Variants in CDH18 observed in about 807,000 individuals in gnomAD.
CDH18 encodes the protein cadherin 18.
CDH18 carries 31 observed loss-of-function variants against 67.9 expected under a neutral mutation model. The ratio of observed to expected loss-of-function variants is 0.46; its 90% CI spans 0.34 to 0.62. The LOEUF is 0.62. Ranked by LOEUF, CDH18 falls within the 20% of genes least tolerant of loss-of-function variation. The pLI is 0.01. For missense variants in CDH18, 890 were observed against 975.5 expected (o/e 0.91, Z 1.17); for synonymous variants, 362 against 347.2 (o/e 1.04, Z -0.48).
intron 2 of CDH18, among the ~76,000 whole-genome samples, chr5:20,213,246 G>A (rs556630302): frequency 1.3e-4 from 20 of 152,122 alleles, no homozygotes; most frequent in Non-Finnish European, 2.5e-4. Flanking sequence ...GTAGGTTGGT[G>A]GAATTGTAGT....
rs764381666 is a variant in CDH18 at position 19,747,254 on chromosome 5, A to G, written c.229-18T>C. 2 of 1,594,804 alleles carry G rather than the reference A, an allele frequency of 1.3e-6. No homozygotes were observed. The highest frequency in any genetic ancestry group is 1.1e-5 in the South Asian group (1 of 89,982). On this transcript the variant is annotated intron_variant, in intron 3 of 12. Coordinates refer to ENST00000382275, the MANE Select transcript of CDH18 (RefSeq NM_004934.5). ...GAGTGCAGCTGTGAAATACACATGG[A>G]ATAATTTAGCATATATTTATATTCC...
At chr5:20,218,718 C>G (rs1306540847) in intron 2 of CDH18, among the ~76,000 whole-genome samples, 1 of 151,854 alleles carries the variant, frequency 6.6e-6, no homozygotes, top group South Asian at 2.1e-4. Flanking sequence ...TTGTATCTTC[C>G]TCATTTTGCT....
At chr5:19,711,456 A>T (rs1488677771) in intron 5 of CDH18, among the ~76,000 whole-genome samples, 2 of 151,970 alleles carry the variant, frequency 1.3e-5, no homozygotes, top group Non-Finnish European at 2.9e-5. Context: ...TGGGCAAAAG[A>T]CATAACAGAC....
At chr5:20,526,665 C>T (rs1282964996) in intron 1 of CDH18, among the ~76,000 whole-genome samples, 1 of 152,030 alleles carries the variant, frequency 6.6e-6, no homozygotes, top group Non-Finnish European at 1.5e-5. Flanking sequence ...AGAAAAGAGG[C>T]CTGACTGTTA....
Position 20,482,872 on chromosome 5 carries a change from G to A in CDH18, c.-580+92590C>T, listed in dbSNP as rs558862659. On this transcript the variant is annotated intron_variant, in intron 1 of 14. Transcript: ENST00000507958. ...CCTGCATGATCTCAAAACTTGACAA[G>A]GATGCCCATTTTCACCACTGTTATT... 2.6e-5 allele frequency among the ~76,000 whole-genome samples: 4 copies of A among 152,120 alleles called. No homozygotes were observed. The East Asian group carries it at 7.8e-4, about 29-fold the overall frequency.
chr5:19,892,159 A>G (rs1057494736), intron 2 of CDH18, among the ~76,000 whole-genome samples: 3 of 152,180 alleles, frequency 2.0e-5, no homozygotes, highest in African/African-American at 7.2e-5. Flanking sequence ...GTTTAACTCT[A>G]TTGCAAATAA....
intron 2 of CDH18, among the ~76,000 whole-genome samples, chr5:19,955,018 A>T (rs1796131025): frequency 6.6e-6 from 1 of 152,104 alleles, no homozygotes; most frequent in African/African-American, 2.4e-5. Context: ...TAATTGAAAC[A>T]TGGAGGTGGT....
At chr5:19,900,294 C>T (rs1039825596) in intron 2 of CDH18, among the ~76,000 whole-genome samples, 50 of 152,006 alleles carry the variant, frequency 3.3e-4, no homozygotes, top group African/African-American at 1.1e-3. Flanking sequence ...TACAAAATTA[C>T]AGTCAGAAAT....
At chr5:19,979,903 C>G (rs561156706) in intron 2 of CDH18, among the ~76,000 whole-genome samples, 3 of 152,220 alleles carry the variant, frequency 2.0e-5, no homozygotes, top group East Asian at 3.9e-4. Context: ...TGCAACAAGA[C>G]AAGGATGCCC....
intron 8 of CDH18, among the ~76,000 whole-genome samples, chr5:19,561,579 C>A (rs1739460759): frequency 6.6e-6 from 1 of 151,862 alleles, no homozygotes; most frequent in Non-Finnish European, 1.5e-5. Context: ...GATGGGTGCA[C>A]CAAAATATTA....
At chr5:20,411,800 A>AG (rs1431493886) in intron 1 of CDH18, among the ~76,000 whole-genome samples, 3 of 151,764 alleles carry the variant, frequency 2.0e-5, no homozygotes, top group Non-Finnish European at 1.5e-5. Context: ...TGCCCACAAA[A>AG]AAATACCTAG....
chr5:19,572,780 A>C (rs1365127137), intron 7 of CDH18, among the ~76,000 whole-genome samples: 1 of 152,174 alleles, frequency 6.6e-6, no homozygotes. Flanking sequence ...ATTAGATTTC[A>C]ACATATGAAT....
intron 1 of CDH18, among the ~76,000 whole-genome samples, chr5:20,430,141 A>G (rs1200466088): frequency 6.6e-6 from 1 of 152,180 alleles, no homozygotes; most frequent in Non-Finnish European, 1.5e-5. Flanking sequence ...TACATTCACT[A>G]CATTGGTTTT....
chr5:19,641,189 T>G (rs1269042847), intron 5 of CDH18, among the ~76,000 whole-genome samples: 1 of 147,796 alleles, frequency 6.8e-6, no homozygotes, highest in Non-Finnish European at 1.5e-5. Flanking sequence ...ATGAGGAAAT[T>G]GAATTTTTAA....
chr5:19,958,799 G>C (rs1020711318), intron 2 of CDH18, among the ~76,000 whole-genome samples: 1 of 151,980 alleles, frequency 6.6e-6, no homozygotes, highest in Non-Finnish European at 1.5e-5. Context: ...GTGATGTTCC[G>C]TGTTGCATCG....
chr5:20,511,359 G>A (rs1217938784), intron 1 of CDH18, among the ~76,000 whole-genome samples: 1 of 152,012 alleles, frequency 6.6e-6, no homozygotes, highest in East Asian at 1.9e-4. Context: ...AATGTAAACT[G>A]CATTTAAACA....
intron 1 of CDH18, among the ~76,000 whole-genome samples, chr5:20,520,711 T>C (rs1428598441): frequency 2.6e-5 from 4 of 152,174 alleles, no homozygotes; most frequent in Non-Finnish European, 5.9e-5. Context: ...TGTTCTTAAG[T>C]GAGATCATAA....
At chr5:20,174,521 T>C (rs1213792525) in intron 2 of CDH18, among the ~76,000 whole-genome samples, 1 of 152,158 alleles carries the variant, frequency 6.6e-6, no homozygotes, top group Non-Finnish European at 1.5e-5. Flanking sequence ...TATGAAATAA[T>C]TAGAAACAAC....
chr5:20,224,763 C>T (rs1481915974), intron 2 of CDH18, among the ~76,000 whole-genome samples: 1 of 151,976 alleles, frequency 6.6e-6, no homozygotes, highest in African/African-American at 2.4e-5. Context: ...AGGACATTTT[C>T]ACTGTAAATT....
Sources: gnomAD v4.1 joint callset for allele counts (sites outside exome capture counted in the v4.1 genomes callset) on GRCh38, gnomAD v4.1.1 for gene constraint, MANE v1.5 for transcripts, NCBI Gene and HGNC (gene_info 2026-07-23, HGNC 2026-07-21) for gene names.